OR4E1: variants seen among roughly 807,000 people sequenced by gnomAD.
OR4E1 encodes the protein olfactory receptor family 4 subfamily E member 1.
rs1028892607 is a variant in OR4E1 at position 21,670,303 on chromosome 14, G to A, written c.633C>T (p.Ser211=). 5.0e-6 allele frequency: 2 copies of A among 398,644 alleles called. No individual in the cohort carries two copies. Among genetic ancestry groups the A allele is most frequent in the African/African-American group, 2.1e-5 (1 of 48,596 alleles). 24.7% of individuals were successfully genotyped at this position (398,644 alleles called of 1,614,324 possible). The change falls in exon 2 of 2, where the codon TCC becomes TCT. Residue 211 remains serine (S), a synonymous_variant. Transcript: ENST00000641792. ...CCACCAGGACCACAAAACAGACCAC[G>A]GAGATCAATCCACTGTTGGAGACAA... is the stretch of plus-strand genomic sequence containing the variant. ...ILIVSNSGLI[S]VVCFVVLVVS...
Position 21,673,804 on chromosome 14 carries a change from A to G in OR4E1, c.-732T>C, listed in dbSNP as rs1213977929. 2 of 152,108 alleles carry G rather than the reference A, an allele frequency of 1.3e-5. No homozygotes were observed. Among genetic ancestry groups the G allele is most frequent in the African/African-American group, 4.8e-5 (2 of 41,418 alleles). The allele number at this position is 152,108 out of a possible 1,614,324, so 9.4% of individuals were successfully genotyped here. A position where few individuals can be genotyped will look rare whatever the true frequency, so the allele number is the denominator to read the frequency against. ...TTCCACCTTCAAGTACTGAAGGGGA[A>G]TCTGTAGAGAAAGAAGCGCTGGCAG... On this transcript the variant is annotated 5_prime_UTR_variant, in exon 1 of 2. Transcript: ENST00000641792.
chr14:21,672,115 A>AT (rs1292926916), intron 1 of OR4E1, among the ~76,000 whole-genome samples: 5 of 152,252 alleles, frequency 3.3e-5, no homozygotes, highest in Non-Finnish European at 7.4e-5. Context: ...CCTGAGTCAG[A>AT]TTGTGGGGCA....
At position 21,673,346 on chromosome 14, in the gene OR4E1, T is replaced by C. The variant is rs564967103; in HGVS notation, c.-274A>G. The C allele has an allele frequency of 1.3e-5, 2 of 152,174 alleles. No homozygotes were observed. Among genetic ancestry groups the C allele is most frequent in the African/African-American group, 4.8e-5 (2 of 41,536 alleles). The allele number at this position is 152,174 out of a possible 1,614,324, so 9.4% of individuals were successfully genotyped here. ...CAGAAAATGTAGTACAGAAATAATA[T>C]ATATGTTTTCACTTTTCCAGATTGT... On this transcript the variant is annotated 5_prime_UTR_variant, in exon 1 of 2. It adds an upstream start codon to the 5' untranslated region. Transcript: ENST00000641792.
rs1404964228 is a variant in OR4E1, at chr14:21,673,602, A to T, written c.-530T>A. 2.3e-5 allele frequency: 1 copy of T among 43,934 alleles called. No homozygotes were observed. The highest frequency in any genetic ancestry group is 2.0e-4 in the African/African-American group (1 of 5,002). 2.7% of individuals were successfully genotyped at this position (43,934 alleles called of 1,614,324 possible). On this transcript the variant is annotated 5_prime_UTR_variant, in exon 1 of 2. Coordinates refer to ENST00000641792, the MANE Select transcript of OR4E1 (RefSeq NM_001317107.2). ...TGAGCAACACAACGACCCTGTCCAA[A>T]AAAAAAAAAAAAAAAAAAGAGTCAG...
chr14:21,668,110 C>A lies in OR4E1; in HGVS notation c.*1878G>T, dbSNP rs1348886831. 6.6e-6 allele frequency: 1 copy of A among 152,552 alleles called. No individual in the cohort carries two copies. Among genetic ancestry groups the A allele is most frequent in the East Asian group, 1.9e-4 (1 of 5,190 alleles). 9.4% of individuals were successfully genotyped at this position (152,552 alleles called of 1,614,324 possible). On this transcript the variant is annotated 3_prime_UTR_variant, in exon 2 of 2. Transcript: ENST00000641792. The stretch of plus-strand genomic sequence containing the variant: ...CTATGAAAAAAATAAGCAAACATCA[C>A]AACGTTGTTCCGTTATAGTTTTACC...
At position 21,670,258 on chromosome 14, in the gene OR4E1, C is replaced by A; in HGVS notation, c.678G>T (p.Leu226=). Residue 226 remains leucine, a synonymous_variant, in exon 2 of 2, where the codon CTG becomes CTT. Coordinates refer to ENST00000641792, the MANE Select transcript of OR4E1 (RefSeq NM_001317107.2). ...TGGAGATCTGCTGCCTCAGACTCACCAGGATGACTGCGTAGGACACCACCA... is the reference window on the plus strand; with the variant it reads ...TGGAGATCTGCTGCCTCAGACTCACAAGGATGACTGCGTAGGACACCACCA... ...VVLVVSYAVI[L]VSLRQQISKG... is the part of the protein sequence containing the mutation. 2.5e-6 allele frequency: 1 copy of A among 398,900 alleles called. No individual in the cohort carries two copies. The highest frequency in any genetic ancestry group is 4.4e-6 in the Non-Finnish European group (1 of 226,298). The allele number at this position is 398,900 out of a possible 1,614,324, so 24.7% of individuals were successfully genotyped here.
Position 21,668,305 on chromosome 14 carries a change from G to T in OR4E1, c.*1683C>A, listed in dbSNP as rs1303901837. On this transcript the variant is annotated 3_prime_UTR_variant, in exon 2 of 2. Coordinates refer to ENST00000641792, the MANE Select transcript of OR4E1 (RefSeq NM_001317107.2). ...TTGTCTGCCATTGCCTATAATAAAA[G>T]GGCATTTATTTTACATAAATTTTAT... The T allele has an allele frequency of 1.3e-5, 1 of 75,262 alleles. No homozygotes were observed. Among genetic ancestry groups the T allele is most frequent in the African/African-American group, 6.3e-5 (1 of 15,784 alleles). The allele number at this position is 75,262 out of a possible 1,614,324, so 4.7% of individuals were successfully genotyped here.
intron 1 of OR4E1, among the ~76,000 whole-genome samples, chr14:21,672,809 C>A (rs8013567): frequency 6.6e-6 from 1 of 151,990 alleles, no homozygotes; most frequent in South Asian, 2.1e-4. Context: ...AAATGCTTTG[C>A]AAAATGGAGA....
chr14:21,673,351 G>T lies in OR4E1; in HGVS notation c.-279C>A, dbSNP rs187780587. 3 of 152,034 alleles carry T rather than the reference G, an allele frequency of 2.0e-5. No individual in the cohort carries two copies. The highest frequency in any genetic ancestry group is 2.9e-5 in the Non-Finnish European group (2 of 68,010). The allele number at this position is 152,034 out of a possible 1,614,324, so 9.4% of individuals were successfully genotyped here. A position where few individuals can be genotyped will look rare whatever the true frequency, so the allele number is the denominator to read the frequency against. ...AATGTAGTACAGAAATAATATATAT[G>T]TTTTCACTTTTCCAGATTGTAGTGG... is the stretch of plus-strand genomic sequence containing the variant. On this transcript the variant is annotated 5_prime_UTR_variant, in exon 1 of 2. Coordinates refer to ENST00000641792, the MANE Select transcript of OR4E1 (RefSeq NM_001317107.2).
Position 21,670,649 on chromosome 14 carries a change from A to G in OR4E1, c.287T>C (p.Ile96Thr). The G allele has an allele frequency of 2.5e-6, 1 of 400,766 alleles. No homozygotes were observed. Among genetic ancestry groups the G allele is most frequent in the Non-Finnish European group, 4.4e-6 (1 of 226,298 alleles). The allele number at this position is 400,766 out of a possible 1,614,324, so 24.8% of individuals were successfully genotyped here. ...LRDVWSEEKL[I>T]SFDACVTQMF... is the part of the protein sequence containing the mutation. ...CTGGGTCACACAGGCATCAAAAGAG[A>G]TGAGCTTTTCCTCTGACCACACGTC... The change falls in exon 2 of 2, where the codon ATC (isoleucine) becomes ACC (threonine). Residue 96 changes from isoleucine (I) to threonine (T), a missense_variant. By Grantham distance (89) the Ile-to-Thr change is moderately conservative (BLOSUM62 -1). Coordinates refer to ENST00000641792, the MANE Select transcript of OR4E1 (RefSeq NM_001317107.2).
At position 21,668,101 on chromosome 14, in the gene OR4E1, CA is replaced by C. The variant is rs1880738033; in HGVS notation, c.*1886del. The C allele has an allele frequency of 6.6e-6, 1 of 152,436 alleles. No individual in the cohort carries two copies. The highest frequency in any genetic ancestry group is 6.6e-5 in the Admixed American group (1 of 15,246). 9.4% of individuals were successfully genotyped at this position (152,436 alleles called of 1,614,324 possible). Reference sequence around the variant, plus strand: ...TGCTTGCTGCTATGAAAAAAATAAGCAAACATCACAACGTTGTTCCGTTATA... The same window carrying C: ...TGCTTGCTGCTATGAAAAAAATAAGCAACATCACAACGTTGTTCCGTTATA... On this transcript the variant is annotated 3_prime_UTR_variant, in exon 2 of 2. Coordinates refer to ENST00000641792, the MANE Select transcript of OR4E1 (RefSeq NM_001317107.2).
chr14:21,671,573 C>G (rs1468981883), intron 1 of OR4E1, among the ~76,000 whole-genome samples: 4 of 152,158 alleles, frequency 2.6e-5, no homozygotes, highest in Non-Finnish European at 5.9e-5. Flanking sequence ...GGATAAAACC[C>G]TGGAAGCCTT....
In OR4E1 at chr14:21,668,805, A is replaced by T. The variant is rs886535772; in HGVS notation, c.*1183T>A. On this transcript the variant is annotated 3_prime_UTR_variant, in exon 2 of 2. Transcript: ENST00000641792. ...GCTTAGTTGAGTGAATTCTCTACAT[A>T]ATAACTAAAATAATTTTATTAAAAC... The T allele has an allele frequency of 6.6e-6, 1 of 152,198 alleles. No individual in the cohort carries two copies. Among genetic ancestry groups the T allele is most frequent in the Admixed American group, 6.5e-5 (1 of 15,272 alleles). 9.4% of individuals were successfully genotyped at this position (152,198 alleles called of 1,614,324 possible). A position where few individuals can be genotyped will look rare whatever the true frequency, so the allele number is the denominator to read the frequency against.
rs1450291660 is a variant in OR4E1 at position 21,673,555 on chromosome 14, A to AT, written c.-484dup. The AT allele has an allele frequency of 7.4e-6, 1 of 135,600 alleles. No homozygotes were observed. Among genetic ancestry groups the AT allele is most frequent in the Non-Finnish European group, 1.5e-5 (1 of 65,770 alleles). The allele number at this position is 135,600 out of a possible 1,614,324, so 8.4% of individuals were successfully genotyped here. A position where few individuals can be genotyped will look rare whatever the true frequency, so the allele number is the denominator to read the frequency against. On this transcript the variant is annotated 5_prime_UTR_variant, in exon 1 of 2. The change creates a premature stop within an existing upstream ORF in the 5' untranslated region. Coordinates refer to ENST00000641792, the MANE Select transcript of OR4E1 (RefSeq NM_001317107.2). ...GAGGTCAAGGCTGCAGTGAGCCGTG[A>AT]TTTTACCACTGCACTCCATCCTGAG...
At chr14:21,673,018 T>G (rs1881033338) in intron 1 of OR4E1, 72 bp downstream of exon 1, 1 of 152,194 alleles carries the variant, frequency 6.6e-6, no homozygotes, top group African/African-American at 2.4e-5. Context: ...GCACTTTCAA[T>G]ATCAAGACTT....
rs1880731456 is a variant in OR4E1, at chr14:21,667,974, T to C, written c.*2014A>G. On this transcript the variant is annotated 3_prime_UTR_variant, in exon 2 of 2. Coordinates refer to ENST00000641792, the MANE Select transcript of OR4E1 (RefSeq NM_001317107.2). ...TACATTTTTATCTTGTCTCTGAGTC[T>C]GAAAAGCTTTTTTCTGTAAAACGGA... is the stretch of plus-strand genomic sequence containing the variant. 6.6e-6 allele frequency: 1 copy of C among 152,664 alleles called. No homozygotes were observed. The highest frequency in any genetic ancestry group is 1.5e-5 in the Non-Finnish European group (1 of 68,044). 9.5% of individuals were successfully genotyped at this position (152,664 alleles called of 1,614,324 possible).
rs963909246 is a variant in OR4E1, at chr14:21,669,246, A to G, written c.*742T>C. The G allele has an allele frequency of 6.6e-6, 1 of 152,082 alleles. No homozygotes were observed. Among genetic ancestry groups the G allele is most frequent in the Admixed American group, 6.6e-5 (1 of 15,256 alleles). The allele number at this position is 152,082 out of a possible 1,614,324, so 9.4% of individuals were successfully genotyped here. The stretch of plus-strand genomic sequence containing the variant: ...TTATTTGTTCATATTTTTGTTTTCT[A>G]TTTTCACTAGACCCTAAACTCCATG... On this transcript the variant is annotated 3_prime_UTR_variant, in exon 2 of 2. Transcript: ENST00000641792.
chr14:21,672,528 T>G (rs1382130523), intron 1 of OR4E1, among the ~76,000 whole-genome samples: 1 of 152,208 alleles, frequency 6.6e-6, no homozygotes, highest in Non-Finnish European at 1.5e-5. Context: ...CGTTTGAAGC[T>G]TTTGCTCCAA....
chr14:21,669,902 A>G lies in OR4E1; in HGVS notation c.*86T>C, dbSNP rs1243777748. ...CCAAGGATAGTTTTATAAGTCACAT[A>G]GTCTGATAAATATGGTATGTAACTT... On this transcript the variant is annotated 3_prime_UTR_variant, in exon 2 of 2. Transcript: ENST00000641792. The G allele has an allele frequency of 5.0e-6, 2 of 397,146 alleles. No homozygotes were observed. The highest frequency in any genetic ancestry group is 2.1e-5 in the African/African-American group (1 of 48,600). 24.6% of individuals were successfully genotyped at this position (397,146 alleles called of 1,614,324 possible). A position where few individuals can be genotyped will look rare whatever the true frequency, so the allele number is the denominator to read the frequency against.
Sources: allele counts gnomAD v4.1 joint callset (sites outside exome capture counted in the v4.1 genomes callset), GRCh38; gene constraint gnomAD v4.1.1; transcripts MANE v1.5; gene names NCBI Gene and HGNC (gene_info 2026-07-23, HGNC 2026-07-21).